EFCAB7: variants seen among roughly 807,000 people sequenced by gnomAD.
EFCAB7 encodes EF-hand calcium binding domain 7, also known as EF-hand calcium-binding domain-containing protein 7.
EFCAB7 carries 66 observed loss-of-function variants against 77.1 expected under a neutral mutation model. The observed-to-expected ratio is 0.86, with a 90% CI of 0.70 to 1.05. The LOEUF is 1.05. Ranked by LOEUF, EFCAB7 falls within the 50% of genes least tolerant of loss-of-function variation. The pLI is 0.00. For synonymous variants in EFCAB7, 225 were observed against 243.3 expected, an observed-to-expected ratio of 0.92 and a Z score of 0.70; for missense variants, 638 against 730.5, an observed-to-expected ratio of 0.87 and a Z score of 1.46.
chr1:63,546,131 C>A, intron 7 of EFCAB7, 74 bp downstream of exon 7: 1 of 1,474,708 alleles, frequency 6.8e-7, no homozygotes, highest in South Asian at 1.3e-5. Flanking sequence ...GTAAGTATTC[C>A]ATAGTCCTAG....
intron 10 of EFCAB7, among the ~76,000 whole-genome samples, chr1:63,561,450 A>G (rs1647099443): frequency 6.6e-6 from 1 of 152,220 alleles, no homozygotes; most frequent in South Asian, 2.1e-4. Context: ...ATTTTAGAAT[A>G]TATTTGCACT....
intron 2 of EFCAB7, chr1:63,529,223 A>G (rs1401279532): frequency 6.6e-6 from 1 of 152,206 alleles, no homozygotes; most frequent in East Asian, 1.9e-4. Context: ...TCTCCAATGC[A>G]ATGAATTTCC....
At chr1:63,550,824 T>G (rs751389479) in intron 7 of EFCAB7, among the ~76,000 whole-genome samples, 1 of 151,820 alleles carries the variant, frequency 6.6e-6, no homozygotes, top group Non-Finnish European at 1.5e-5. Context: ...AGGATTGGTC[T>G]TGGTATGTGA....
chr1:63,572,465 G>A lies in EFCAB7; in HGVS notation c.1839G>A (p.Leu613=), dbSNP rs1647291467. Residue 613 remains leucine, a synonymous_variant, in exon 14 of 14, where the codon TTG becomes TTA. Transcript: ENST00000371088. ...AGGTTTGTCAACATGTAATGCCTTT[G>A]AATGAACGACAAGAATGGATATATT... ...STMVCQHVMP[L]NERQEWIYYC... 1.9e-6 allele frequency: 3 copies of A among 1,581,276 alleles called. No homozygotes were observed. The highest frequency in any genetic ancestry group is 2.6e-6 in the Non-Finnish European group (3 of 1,165,542).
chr1:63,566,388 C>T (rs1157900972), intron 11 of EFCAB7, among the ~76,000 whole-genome samples: 1 of 152,086 alleles, frequency 6.6e-6, no homozygotes, highest in Non-Finnish European at 1.5e-5. Flanking sequence ...GGAAAAATAA[C>T]GAATGGGTAC....
At position 63,551,712 on chromosome 1, in the gene EFCAB7, T is replaced by G. The variant is rs1289152362; in HGVS notation, c.947-13T>G. Reference sequence around the variant, plus strand: ...TTATTTTAAGGTGTTTGGGCTTTTTTTTTTGTTTGTAGGAAAACCATCCCC... The same window carrying G: ...TTATTTTAAGGTGTTTGGGCTTTTTGTTTTGTTTGTAGGAAAACCATCCCC... On this transcript the variant is annotated splice_polypyrimidine_tract_variant and intron_variant, in intron 7 of 13. Transcript: ENST00000371088. 1.9e-5 allele frequency: 28 copies of G among 1,450,160 alleles called. No individual in the cohort carries two copies. The highest frequency in any genetic ancestry group is 2.2e-5 in the Non-Finnish European group (24 of 1,080,054). 89.8% of individuals were successfully genotyped at this position (1,450,160 alleles called of 1,614,324 possible).
chr1:63,549,155 C>G (rs1337697204), intron 7 of EFCAB7: 1 of 307,526 alleles, frequency 3.3e-6, no homozygotes, highest in East Asian at 1.0e-4. Flanking sequence ...AGCAGAGAAC[C>G]AATTCTGGAG....
Position 63,554,012 on chromosome 1 carries a change from A to G in EFCAB7, c.1057-1346A>G, listed in dbSNP as rs1211733280. Among the ~76,000 whole-genome samples the G allele has an allele frequency of 3.9e-5, 6 of 152,214 alleles. No individual in the cohort carries two copies. The South Asian group carries it at 8.3e-4, about 21-fold the overall frequency. On this transcript the variant is annotated intron_variant, in intron 8 of 13. Coordinates refer to ENST00000371088, the MANE Select transcript of EFCAB7 (RefSeq NM_032437.4). Reference sequence around the variant, plus strand: ...TATTATTGTTGTTATTTTTAGAGATAGGATCTCGCTATGTTGTCCAGGCTG... The same window carrying G: ...TATTATTGTTGTTATTTTTAGAGATGGGATCTCGCTATGTTGTCCAGGCTG...
At chr1:63,577,456 G>A (rs1004535898), downstream of EFCAB7, among the ~76,000 whole-genome samples, 3 of 152,122 alleles carry the variant, frequency 2.0e-5, no homozygotes, top group African/African-American at 4.8e-5. Context: ...TGCCAGTATT[G>A]TAAGCTTTCT....
chr1:63,575,070 GTTTT>G (rs1325422623), downstream of EFCAB7, among the ~76,000 whole-genome samples: 1 of 151,964 alleles, frequency 6.6e-6, no homozygotes, highest in African/African-American at 2.4e-5. Flanking sequence ...TTACCCAGAT[GTTTT>G]TATTTCATTA....
the EFCAB7 span, among the ~76,000 whole-genome samples, chr1:63,579,296 T>C: frequency 1.3e-5 from 2 of 152,242 alleles, no homozygotes; most frequent in Non-Finnish European, 2.9e-5. Context: ...TTTTTGAGAA[T>C]GTTGTATAAG....
rs1367123990 is a variant in EFCAB7, at chr1:63,568,394, C to T, written c.1582C>T (p.Leu528Phe). Residue 528 changes from leucine to phenylalanine, a missense_variant, in exon 12 of 14, where the codon CTT (leucine) becomes TTT (phenylalanine). Leu to Phe is a conservative substitution (Grantham distance 22, BLOSUM62 0). Transcript: ENST00000371088. ...CCATATGGAGGCATGTAGTGGACAACTTGAGAAGGCCATTTGTAAATCTGT... is the reference window on the plus strand; with the variant it reads ...CCATATGGAGGCATGTAGTGGACAATTTGAGAAGGCCATTTGTAAATCTGT... The part of the protein sequence containing the change: ...AVHMEACSGQ[L>F]EKAICKSVLS... 1.3e-6 allele frequency: 2 copies of T among 1,581,798 alleles called. No homozygotes were observed. Among genetic ancestry groups the T allele is most frequent in the South Asian group, 1.2e-5 (1 of 86,200 alleles).
chr1:63,546,488 C>T lies in EFCAB7; in HGVS notation c.946+431C>T, dbSNP rs536888196. Among the ~76,000 whole-genome samples the T allele has an allele frequency of 9.9e-5, 15 of 152,072 alleles. No homozygotes were observed. The South Asian group carries it at 3.1e-3, about 32-fold the overall frequency. ...CAAGTGATTCTCCTGCCTCAGCCTC[C>T]CCGAGTAGCTGGGACTACAGGTGCA... is the stretch of plus-strand genomic sequence containing the variant. On this transcript the variant is annotated intron_variant, in intron 7 of 13. Coordinates refer to ENST00000371088, the MANE Select transcript of EFCAB7 (RefSeq NM_032437.4).
chr1:63,533,514 G>A lies in EFCAB7; in HGVS notation c.547G>A (p.Glu183Lys), dbSNP rs1189722280. 6.2e-7 allele frequency: 1 copy of A among 1,612,802 alleles called. No homozygotes were observed. The change falls in exon 5 of 14, where the codon GAG becomes AAG. Residue 183 changes from glutamate to lysine, a missense_variant. Transcript: ENST00000371088. ...TCTCAAGACTACACTAGAAAAACTA[G>A]AGGTTGACAGTAAATTGATGCGTCA... ...QCLKTTLEKLEVDSKLMRHQF... is the reference protein window; with the variant it reads ...QCLKTTLEKLKVDSKLMRHQF...
chr1:63,581,051 G>A, the EFCAB7 span, among the ~76,000 whole-genome samples: 1 of 151,802 alleles, frequency 6.6e-6, no homozygotes, highest in Admixed American at 6.6e-5. Flanking sequence ...CTATCCATAT[G>A]CCTTTTATGT....
intron 6 of EFCAB7, among the ~76,000 whole-genome samples, chr1:63,544,134 T>C (rs959693812): frequency 2.6e-5 from 4 of 151,630 alleles, no homozygotes; most frequent in African/African-American, 7.3e-5. Context: ...CACGCCCAAC[T>C]ATTTTTGTAT....
At chr1:63,544,235 G>A (rs571437277) in intron 6 of EFCAB7, among the ~76,000 whole-genome samples, 7 of 152,054 alleles carry the variant, frequency 4.6e-5, no homozygotes, top group Non-Finnish European at 1.0e-4. Context: ...CTCCCAAAGT[G>A]TTGGGGTTAC....
chr1:63,543,639 C>T (rs1206977299), intron 6 of EFCAB7, among the ~76,000 whole-genome samples: 1 of 152,116 alleles, frequency 6.6e-6, no homozygotes, highest in African/African-American at 2.4e-5. Flanking sequence ...AAAATGTGAG[C>T]ATGAAACCGA....
intron 7 of EFCAB7, 116 bp downstream of exon 7, chr1:63,546,173 A>G: frequency 2.7e-6 from 3 of 1,117,638 alleles, no homozygotes; most frequent in Non-Finnish European, 3.8e-6. Flanking sequence ...CTAAGTAAGA[A>G]TTTATGGTTA....
Sources: allele counts gnomAD v4.1 joint callset (sites outside exome capture counted in the v4.1 genomes callset), GRCh38; gene constraint gnomAD v4.1.1; transcripts MANE v1.5; gene names NCBI Gene and HGNC (gene_info 2026-07-23, HGNC 2026-07-21).